Variants in FLRT1 observed in about 807,000 individuals in gnomAD.
FLRT1 encodes leucine-rich repeat transmembrane protein FLRT1.
Under a neutral mutation model 30.9 loss-of-function variants are expected in FLRT1, and 14 were observed. The ratio of observed to expected loss-of-function variants is 0.45; its 90% CI spans 0.30 to 0.71. The LOEUF (loss-of-function observed/expected upper bound fraction) is 0.71, where lower values mean the gene tolerates loss of function less well. FLRT1 is among the 30% of genes least tolerant of loss of function. The pLI is 0.08. For missense variants in FLRT1, 737 were observed against 949.2 expected, an observed-to-expected ratio of 0.78 and a Z score of 2.94; for synonymous variants, 368 against 430.4, an observed-to-expected ratio of 0.85 and a Z score of 1.80.
At chr11:64,059,682 C>G (rs1469487219) in intron 1 of FLRT1, among the ~76,000 whole-genome samples, 2 of 152,188 alleles carry the variant, frequency 1.3e-5, no homozygotes, top group Non-Finnish European at 1.5e-5. Context: ...GATGGGGAAA[C>G]TGAGGCCTAG....
intron 1 of FLRT1, among the ~76,000 whole-genome samples, chr11:64,075,435 T>C (rs983032527): frequency 6.6e-6 from 1 of 152,244 alleles, no homozygotes; most frequent in African/African-American, 2.4e-5. Flanking sequence ...ATTTTACAGA[T>C]GGAAGCAACC....
rs770341979 is a variant in FLRT1 at position 64,117,544 on chromosome 11, T to A, written c.1277T>A (p.Ile426Asn). 5 of 1,603,798 alleles carry A rather than the reference T, an allele frequency of 3.1e-6. No individual in the cohort carries two copies. The highest frequency in any genetic ancestry group is 4.3e-6 in the Non-Finnish European group (5 of 1,173,292). ...RPGLRLPDSN[I>N]DYPMATGDGA... ...GGGCTGCGCCTCCCCGACTCCAACA[T>A]TGACTACCCCATGGCCACGGGTGAT... Residue 426 changes from isoleucine to asparagine, a missense_variant, in exon 3 of 3, where the codon ATT (isoleucine) becomes AAT (asparagine). Transcript: ENST00000682287.
chr11:64,069,607 C>T (rs1407760286), intron 1 of FLRT1, among the ~76,000 whole-genome samples: 1 of 152,008 alleles, frequency 6.6e-6, no homozygotes, highest in Non-Finnish European at 1.5e-5. Flanking sequence ...GGGGCCAGGG[C>T]TGCTGATGCC....
intron 1 of FLRT1, among the ~76,000 whole-genome samples, chr11:64,084,392 C>A (rs1264107959): frequency 6.6e-6 from 1 of 152,220 alleles, no homozygotes; most frequent in South Asian, 2.1e-4. Flanking sequence ...TCTGCCCCCG[C>A]TGCCTGAGCT....
chr11:64,045,950 A>G (rs539448421), intron 1 of FLRT1, among the ~76,000 whole-genome samples: 23 of 152,344 alleles, frequency 1.5e-4, no homozygotes, highest in South Asian at 8.3e-4. Flanking sequence ...GACACTGGGT[A>G]ACATGACTGA....
intron 2 of FLRT1, among the ~76,000 whole-genome samples, chr11:64,108,761 T>C (rs76613471): frequency 0.04 from 6,085 of 152,164 alleles, 159 homozygotes; most frequent in Non-Finnish European, 0.062. Context: ...GGGAGACACA[T>C]GAATTATTGC....
chr11:64,084,202 G>A (rs921264175), intron 1 of FLRT1, among the ~76,000 whole-genome samples: 1 of 152,046 alleles, frequency 6.6e-6, no homozygotes, highest in Non-Finnish European at 1.5e-5. Flanking sequence ...CCTCCTCTCA[G>A]CCCCCTCCCA....
intron 2 of FLRT1, among the ~76,000 whole-genome samples, chr11:64,109,899 C>T (rs922940160): frequency 2.6e-5 from 4 of 152,228 alleles, no homozygotes; most frequent in Admixed American, 6.5e-5. Context: ...GAGTAGAGAA[C>T]GGGCCACTGG....
chr11:64,051,622 G>A (rs546395262), intron 1 of FLRT1, among the ~76,000 whole-genome samples: 41 of 152,308 alleles, frequency 2.7e-4, no homozygotes, highest in African/African-American at 9.9e-4. Context: ...CCTGCGTGGA[G>A]CGGGCAGTGG....
chr11:64,046,341 A>G (rs1406198365), intron 1 of FLRT1, among the ~76,000 whole-genome samples: 1 of 152,210 alleles, frequency 6.6e-6, no homozygotes, highest in African/African-American at 2.4e-5. Context: ...ATGAGGAAAC[A>G]GAGGCTTACA....
chr11:64,087,107 G>C (rs1304622405), intron 1 of FLRT1: 4 of 152,186 alleles, frequency 2.6e-5, no homozygotes, highest in Non-Finnish European at 5.9e-5. Flanking sequence ...ACTGGTAAAT[G>C]ATATGGGGCC....
chr11:64,097,906 G>C (rs1223296255), intron 1 of FLRT1, among the ~76,000 whole-genome samples: 2 of 152,114 alleles, frequency 1.3e-5, no homozygotes, highest in African/African-American at 4.8e-5. Context: ...GGTGCTCCTG[G>C]GAGCACTCAG....
chr11:64,088,230 G>A (rs1301266481), intron 1 of FLRT1, among the ~76,000 whole-genome samples: 1 of 152,170 alleles, frequency 6.6e-6, no homozygotes, highest in Non-Finnish European at 1.5e-5. Flanking sequence ...AAAAGTCGCT[G>A]CCTCCTCTGG....
chr11:64,112,257 T>C (rs892672127), intron 2 of FLRT1, among the ~76,000 whole-genome samples: 4 of 152,186 alleles, frequency 2.6e-5, no homozygotes, highest in Non-Finnish European at 5.9e-5. Flanking sequence ...GGCTCACCTG[T>C]AATCCCAGTA....
chr11:64,096,992 G>A lies in FLRT1; in HGVS notation c.-1037-6202G>A, dbSNP rs1045680010. ...GGGAGTTCCTGCCTACCCTTGCTGG[G>A]AGGAGATTGCAAAGGCACAAGAGCA... On this transcript the variant is annotated intron_variant, in intron 1 of 2. Transcript: ENST00000682287. The surrounding 1 kb of genome is among the most constrained non-coding windows in gnomAD (Gnocchi z 4.6). Among the ~76,000 whole-genome samples, 3 of 152,232 alleles carry A rather than the reference G, an allele frequency of 2.0e-5. No homozygotes were observed. The highest frequency in any genetic ancestry group is 4.4e-5 in the Non-Finnish European group (3 of 68,038).
intron 1 of FLRT1, among the ~76,000 whole-genome samples, chr11:64,044,028 T>C (rs1476693865): frequency 6.6e-6 from 1 of 152,060 alleles, no homozygotes; most frequent in East Asian, 1.9e-4. Context: ...TTAGGCAGGA[T>C]GGTCTCGAAC....
At chr11:64,101,143 G>A (rs1944663418) in intron 1 of FLRT1, among the ~76,000 whole-genome samples, 2 of 152,102 alleles carry the variant, frequency 1.3e-5, no homozygotes, top group East Asian at 1.9e-4. Flanking sequence ...CCATTGCAGG[G>A]AGGGAGGGAT....
chr11:64,062,710 G>A (rs966374468), intron 1 of FLRT1, among the ~76,000 whole-genome samples: 1 of 152,156 alleles, frequency 6.6e-6, no homozygotes, highest in Non-Finnish European at 1.5e-5. Context: ...CAGTGTGCCC[G>A]TCCTGCCCCG....
intron 1 of FLRT1, among the ~76,000 whole-genome samples, chr11:64,091,474 G>A (rs1439745945): frequency 1.3e-5 from 2 of 149,290 alleles, no homozygotes; most frequent in Non-Finnish European, 1.5e-5. Context: ...TGTGGGGGAC[G>A]AGCCTACAGG....
Sources: gnomAD v4.1 joint callset for allele counts (sites outside exome capture counted in the v4.1 genomes callset) on GRCh38, gnomAD v4.1.1 for gene constraint, Gnocchi (gnomAD v3.1) non-coding constraint, MANE v1.5 for transcripts, NCBI Gene and HGNC (gene_info 2026-07-23, HGNC 2026-07-21) for gene names.